DMD: variants seen among roughly 807,000 people sequenced by gnomAD.
DMD encodes dystrophin.
A neutral mutation model predicts 330.1 loss-of-function variants in DMD; 63 were observed. The observed-to-expected ratio is 0.19, with a 90% confidence interval of 0.16 to 0.24. DMD has a LOEUF of 0.24. DMD is among the 10% of genes least tolerant of loss of function. The pLI is 1.00. For missense variants in DMD, 3,344 were observed against 2,684.1 expected, an observed-to-expected ratio of 1.25 and a Z score of -5.43; for synonymous variants, 1,223 against 959.8, an observed-to-expected ratio of 1.27 and a Z score of -5.07.
intron 49 of DMD, among the ~76,000 whole-genome samples, chrX:31,829,145 T>C (rs1358273837): frequency 9.0e-6 from 1 of 111,705 alleles, no homozygotes; most frequent in Non-Finnish European, 1.9e-5. Flanking sequence ...ATACCATATG[T>C]TCTCACTCGT....
intron 2 of DMD, among the ~76,000 whole-genome samples, chrX:32,947,178 G>A (rs975686321): frequency 8.9e-6 from 1 of 111,884 alleles, no homozygotes; most frequent in African/African-American, 3.2e-5. Context: ...ATACTTATGA[G>A]GGAGGATGAT....
intron 55 of DMD, among the ~76,000 whole-genome samples, chrX:31,600,350 G>A (rs766190663): frequency 9.0e-6 from 1 of 111,150 alleles, no homozygotes; most frequent in Admixed American, 9.6e-5. Context: ...AATTGTAACG[G>A]CACAGTTACA....
intron 7 of DMD, among the ~76,000 whole-genome samples, chrX:32,796,984 G>C (rs185153399): frequency 8.9e-6 from 1 of 112,079 alleles, no homozygotes; most frequent in African/African-American, 3.2e-5. Context: ...TGTTCCAGCT[G>C]TAAAATGTCA....
chrX:32,386,141 CAT>C (rs112248105), intron 33 of DMD, among the ~76,000 whole-genome samples, 167 bp downstream of exon 33: 9 of 108,349 alleles, frequency 8.3e-5, no homozygotes, highest in East Asian at 2.9e-4. Context: ...TATATGTGTA[CAT>C]ATATATATAT....
chrX:31,258,251 C>T (rs982574232), intron 63 of DMD, among the ~76,000 whole-genome samples: 2 of 112,545 alleles, frequency 1.8e-5, no homozygotes, highest in Admixed American at 1.9e-4. Context: ...ATCAATTCCT[C>T]CCTGAGCCTG....
At chrX:31,316,327 A>G (rs1204165287) in intron 62 of DMD, among the ~76,000 whole-genome samples, 1 of 112,542 alleles carries the variant, frequency 8.9e-6, no homozygotes, top group Non-Finnish European at 1.9e-5. Flanking sequence ...TGAAAAGCAC[A>G]TAGAATTACT....
chrX:31,125,811 C>A (rs908599145), intron 78 of DMD, among the ~76,000 whole-genome samples: 1 of 112,157 alleles, frequency 8.9e-6, no homozygotes, highest in Non-Finnish European at 1.9e-5. Context: ...AAAAACCTCT[C>A]AAAACTCCAA....
rs149495501 is a variant in DMD, at chrX:31,554,459, T to C, written c.8218-47006A>G. Among the ~76,000 whole-genome samples the C allele has an allele frequency of 1.3e-3, 144 of 111,663 alleles. 2 individuals are homozygous for C. Among genetic ancestry groups the C allele is most frequent in the Admixed American group, 0.012 (126 of 10,504 alleles). ...ATGATCTGTACTAGCTGGTATCTGG[T>C]TGGGAGAATCACTAGTACTGGGTTT... On this transcript the variant is annotated intron_variant, in intron 55 of 78. Transcript: ENST00000357033.
At chrX:32,595,910 T>A (rs1024641202) in intron 12 of DMD, 34 bp from the exon 13 acceptor site, 4 of 1,121,364 alleles carry the variant, frequency 3.6e-6, no homozygotes, top group Non-Finnish European at 2.5e-6. Context: ...GAAATTAAAA[T>A]GATATTCTTA....
At chrX:33,013,336 A>G (rs2093736374) in intron 2 of DMD, among the ~76,000 whole-genome samples, 1 of 111,267 alleles carries the variant, frequency 9.0e-6, no homozygotes. Flanking sequence ...AAAGTTCCCA[A>G]TCCTCACTAT....
chrX:31,650,089 T>C (rs2080356203), intron 54 of DMD, among the ~76,000 whole-genome samples: 1 of 106,842 alleles, frequency 9.4e-6, no homozygotes, highest in South Asian at 4.2e-4. Context: ...GCTTCCCAAG[T>C]AGCTGGGACT....
At chrX:31,679,297 C>T in intron 53 of DMD, 78 bp downstream of exon 53, 1 of 874,846 alleles carries the variant, frequency 1.1e-6, no homozygotes, top group Non-Finnish European at 1.6e-6. Flanking sequence ...CATTAAACAT[C>T]ATTAAATTAC....
intron 43 of DMD, among the ~76,000 whole-genome samples, chrX:32,268,143 G>C (rs1375727481): frequency 9.0e-6 from 1 of 110,895 alleles, no homozygotes; most frequent in Non-Finnish European, 1.9e-5. Context: ...AGTGGCCCTT[G>C]CTAGGGTAAT....
intron 66 of DMD, 99 bp from the exon 67 acceptor site, chrX:31,204,217 G>T: frequency 4.0e-6 from 3 of 752,437 alleles, no homozygotes; most frequent in Non-Finnish European, 2.0e-6. Flanking sequence ...ATTCTCAAGA[G>T]TAGCCAGTAT....
chrX:32,188,606 C>T (rs1349600812), intron 44 of DMD, among the ~76,000 whole-genome samples: 1 of 107,771 alleles, frequency 9.3e-6, no homozygotes, highest in East Asian at 2.9e-4. Flanking sequence ...AACCACTAAC[C>T]CATTTCTCTA....
rs750325049 is a variant in DMD, at chrX:31,121,436, GTGTGTA to G, written c.*477_*482del. The G allele has an allele frequency of 2.5e-3, 269 of 108,608 alleles. 1 individual carries two copies. The highest frequency in any genetic ancestry group is 3.3e-3 in the Non-Finnish European group (194 of 57,978). 9.0% of individuals were successfully genotyped at this position (108,608 alleles called of 1,213,427 possible). ...CGCTGCCTCAAAGTTTTGTGTGTGT[GTGTGTA>G]TGTGTGTGTGTGTGTGTTTGTTTTG... On this transcript the variant is annotated 3_prime_UTR_variant, in exon 79 of 79. Transcript: ENST00000357033.
intron 2 of DMD, among the ~76,000 whole-genome samples, chrX:32,881,819 C>T (rs1447293597): frequency 9.0e-6 from 1 of 111,592 alleles, no homozygotes; most frequent in Non-Finnish European, 1.9e-5. Flanking sequence ...CTAAACCCTA[C>T]TTTGCAACGC....
chrX:33,183,065 T>C (rs1021018773), intron 1 of DMD, among the ~76,000 whole-genome samples: 9 of 111,939 alleles, frequency 8.0e-5, no homozygotes, highest in Non-Finnish European at 1.3e-4. Flanking sequence ...AGATTGTACC[T>C]TTAGACTTAT....
chrX:33,146,916 A>G (rs753212363), intron 1 of DMD, among the ~76,000 whole-genome samples: 3 of 110,099 alleles, frequency 2.7e-5, no homozygotes, highest in Non-Finnish European at 5.7e-5. Flanking sequence ...TCCGCCTCCC[A>G]GGTTCAAGCG....
Sources: gnomAD v4.1 joint callset for allele counts (sites outside exome capture counted in the v4.1 genomes callset) on GRCh38, gnomAD v4.1.1 for gene constraint, MANE v1.5 for transcripts, NCBI Gene and HGNC (gene_info 2026-07-23, HGNC 2026-07-21) for gene names.